Variants in TDRP observed in about 807,000 individuals in gnomAD.
The protein encoded by TDRP is testis development-related protein.
In TDRP, 12 loss-of-function variants were observed where a neutral mutation model predicts 10.5. The ratio of observed to expected loss-of-function variants is 1.15; its 90% CI spans 0.73 to 1.86. The LOEUF (loss-of-function observed/expected upper bound fraction) is 1.86, where lower values mean the gene tolerates loss of function less well. TDRP is among the 40% of genes most tolerant of loss of function. The pLI is 0.00. For synonymous variants in TDRP, 139 were observed against 95.4 expected (o/e 1.46, Z -2.67); for missense variants, 353 against 229.2 (o/e 1.54, Z -3.49).
At chr8:537,058 G>A (rs1584884526) in intron 1 of TDRP, among the ~76,000 whole-genome samples, 2 of 152,100 alleles carry the variant, frequency 1.3e-5, no homozygotes, top group East Asian at 1.9e-4. Flanking sequence ...CCTGCTCCCC[G>A]CTCCAGACTC....
chr8:520,966 T>C (rs1221648712), intron 1 of TDRP, among the ~76,000 whole-genome samples: 1 of 152,200 alleles, frequency 6.6e-6, no homozygotes, highest in Admixed American at 6.5e-5. Flanking sequence ...ATTTTTGCTT[T>C]TTCCTGTGTT....
chr8:492,895 A>C (rs1801021585), intron 2 of TDRP, among the ~76,000 whole-genome samples, 151 bp from the exon 3 acceptor site: 1 of 152,216 alleles, frequency 6.6e-6, no homozygotes, highest in African/African-American at 2.4e-5. Flanking sequence ...TATTAAAATT[A>C]AGGAAAAATT....
At chr8:509,954 AG>A (rs1801567854) in intron 1 of TDRP, among the ~76,000 whole-genome samples, 1 of 152,176 alleles carries the variant, frequency 6.6e-6, no homozygotes, top group Non-Finnish European at 1.5e-5. Flanking sequence ...TGAGAAGTGG[AG>A]GTTGCAGTGA....
chr8:530,708 G>A (rs558186986), intron 1 of TDRP, among the ~76,000 whole-genome samples: 7 of 152,250 alleles, frequency 4.6e-5, no homozygotes, highest in South Asian at 4.1e-4. Flanking sequence ...TGGAGCTCTC[G>A]CTTGTTCTCA....
intron 1 of TDRP, among the ~76,000 whole-genome samples, chr8:542,437 G>A (rs1446914236): frequency 6.6e-6 from 1 of 152,184 alleles, no homozygotes; most frequent in East Asian, 1.9e-4. Context: ...TGGGGGTGAT[G>A]ATAGTGGGGG....
chr8:494,071 C>G (rs1406152745), intron 2 of TDRP, among the ~76,000 whole-genome samples: 1 of 147,204 alleles, frequency 6.8e-6, no homozygotes, highest in Non-Finnish European at 1.5e-5. Flanking sequence ...ATTCTCCTGC[C>G]TCAGCCTCCC....
At chr8:498,762 CAT>C (rs971328729) in intron 1 of TDRP, among the ~76,000 whole-genome samples, 13 of 152,154 alleles carry the variant, frequency 8.5e-5, no homozygotes, top group Admixed American at 5.9e-4. Context: ...ATAATCCCCA[CAT>C]GTCAGGGAAG....
chr8:532,580 A>G (rs1032589883), intron 1 of TDRP, among the ~76,000 whole-genome samples: 1 of 152,256 alleles, frequency 6.6e-6, no homozygotes, highest in African/African-American at 2.4e-5. Flanking sequence ...AAAAGCGCTT[A>G]AAACTATACA....
intron 1 of TDRP, among the ~76,000 whole-genome samples, chr8:512,780 G>C (rs543535360): frequency 2.0e-5 from 3 of 152,176 alleles, no homozygotes; most frequent in Admixed American, 6.5e-5. Context: ...TTTGAGAACA[G>C]CCTGGCCATG....
intron 1 of TDRP, among the ~76,000 whole-genome samples, chr8:499,722 A>C (rs914893181): frequency 6.6e-6 from 1 of 152,244 alleles, no homozygotes; most frequent in Non-Finnish European, 1.5e-5. Flanking sequence ...TCTTCACCTG[A>C]AGTCTCCCAC....
At chr8:542,212 C>G (rs1011149976) in intron 1 of TDRP, among the ~76,000 whole-genome samples, 1 of 152,096 alleles carries the variant, frequency 6.6e-6, no homozygotes, top group Non-Finnish European at 1.5e-5. Context: ...AAAACTATGG[C>G]GACAGTACAA....
At chr8:541,309 G>A (rs1442714635) in intron 1 of TDRP, among the ~76,000 whole-genome samples, 1 of 152,108 alleles carries the variant, frequency 6.6e-6, no homozygotes, top group Non-Finnish European at 1.5e-5. Flanking sequence ...AAAAACCACA[G>A]TCAAAATTCA....
Position 491,983 on chromosome 8 carries a change from G to C in TDRP, c.*416C>G, listed in dbSNP as rs183102553. 1.8e-6 allele frequency: 2 copies of C among 1,117,360 alleles called. No individual in the cohort carries two copies. Among genetic ancestry groups the C allele is most frequent in the Admixed American group, 4.8e-5 (1 of 20,696 alleles). The allele number at this position is 1,117,360 out of a possible 1,614,324, so 69.2% of individuals were successfully genotyped here. ...CCTCCTGACTAATTTTCTAGCAAAA[G>C]AAAAGAACTGCATGACAGCTGCATT... On this transcript the variant is annotated 3_prime_UTR_variant, in exon 3 of 3. Transcript: ENST00000324079.
Position 491,570 on chromosome 8 carries a change from C to T in TDRP, c.*829G>A. The T allele has an allele frequency of 6.7e-7, 1 of 1,487,536 alleles. No individual in the cohort carries two copies. The highest frequency in any genetic ancestry group is 8.9e-7 in the Non-Finnish European group (1 of 1,127,006). The allele number at this position is 1,487,536 out of a possible 1,614,324, so 92.1% of individuals were successfully genotyped here. On this transcript the variant is annotated 3_prime_UTR_variant, in exon 3 of 3. Transcript: ENST00000324079. ...ATATGAGCCTAATAAAAAAGAGGCA[C>T]TTCAGTATTTTATGCACAGTCTTAA...
chr8:531,110 G>T (rs866247523), intron 1 of TDRP, among the ~76,000 whole-genome samples: 3 of 152,156 alleles, frequency 2.0e-5, no homozygotes, highest in South Asian at 2.1e-4. Flanking sequence ...AGAGAGTTGG[G>T]TGTTTACTAC....
rs372509606 is a variant in TDRP at position 509,450 on chromosome 8, C to T, written c.109-14853G>A. 9.2e-5 allele frequency among the ~76,000 whole-genome samples: 14 copies of T among 152,310 alleles called. No individual in the cohort carries two copies. The South Asian group carries it at 1.2e-3, about 14-fold the overall frequency. ...CCTCAATTCTTGACTTCGGTGCAGT[C>T]GTAGGACCAACACCAAGTGGAAGCA... is the stretch of plus-strand genomic sequence containing the variant. On this transcript the variant is annotated intron_variant, in intron 1 of 2. Coordinates refer to ENST00000324079, the MANE Select transcript of TDRP (RefSeq NM_001384899.1).
intron 1 of TDRP, among the ~76,000 whole-genome samples, chr8:516,062 A>G (rs1801749744): frequency 6.6e-6 from 1 of 152,208 alleles, no homozygotes; most frequent in African/African-American, 2.4e-5. Flanking sequence ...AATAAAGAGA[A>G]AAATCATACC....
chr8:504,084 C>G (rs539621332), intron 1 of TDRP, among the ~76,000 whole-genome samples: 1 of 152,006 alleles, frequency 6.6e-6, no homozygotes, highest in African/African-American at 2.4e-5. Context: ...AGCACCAACA[C>G]GGAATCCAGA....
intron 1 of TDRP, among the ~76,000 whole-genome samples, chr8:519,984 G>T (rs1801856609): frequency 6.6e-6 from 1 of 152,198 alleles, no homozygotes; most frequent in Non-Finnish European, 1.5e-5. Flanking sequence ...CTAAATAAAT[G>T]CGTGTAAGGC....
Sources: gnomAD v4.1 joint callset for allele counts (sites outside exome capture counted in the v4.1 genomes callset) on GRCh38, gnomAD v4.1.1 for gene constraint, MANE v1.5 for transcripts, NCBI Gene and HGNC (gene_info 2026-07-23, HGNC 2026-07-21) for gene names.